The following MYT1L variants were observed in gnomAD, a reference collection of about 807,000 sequenced individuals.
MYT1L encodes the protein myelin transcription factor 1 like.
Under a neutral mutation model 126.7 loss-of-function variants are expected in MYT1L, and 12 were observed. The ratio of observed to expected loss-of-function variants is 0.09; its 90% confidence interval spans 0.06 to 0.15. The LOEUF (loss-of-function observed/expected upper bound fraction) is 0.15. Among genes scored for constraint, MYT1L ranks in the 10% least tolerant of loss-of-function variants. The pLI is 1.00. For synonymous variants in MYT1L, 541 were observed against 604.2 expected (o/e 0.90, Z 1.53); for missense variants, 979 against 1,585.2 (o/e 0.62, Z 6.49).
intron 21 of MYT1L, among the ~76,000 whole-genome samples, chr2:1,836,860 G>A (rs1209502045): frequency 6.6e-6 from 1 of 152,218 alleles, no homozygotes; most frequent in South Asian, 2.1e-4. Flanking sequence ...GTCAAGGCCA[G>A]AGCATGCATT....
intron 3 of MYT1L, among the ~76,000 whole-genome samples, chr2:2,126,932 A>G (rs1200899050): frequency 6.6e-6 from 1 of 152,212 alleles, no homozygotes; most frequent in East Asian, 1.9e-4. Flanking sequence ...AGATGTGTCC[A>G]TGTATTTTAG....
intron 1 of MYT1L, among the ~76,000 whole-genome samples, chr2:2,328,929 G>C (rs115330774): frequency 2.6e-5 from 4 of 152,222 alleles, no homozygotes; most frequent in South Asian, 2.1e-4. Context: ...GACCATGAAG[G>C]CTTCTCCTAC....
intron 18 of MYT1L, among the ~76,000 whole-genome samples, chr2:1,857,250 A>G (rs2044033030): frequency 6.6e-6 from 1 of 152,346 alleles, no homozygotes; most frequent in African/African-American, 2.4e-5. Flanking sequence ...ACTACCTGGA[A>G]GAGACGCACA....
chr2:2,293,436 G>A (rs2095628441), intron 1 of MYT1L, among the ~76,000 whole-genome samples: 3 of 152,176 alleles, frequency 2.0e-5, no homozygotes, highest in African/African-American at 4.8e-5. Flanking sequence ...AGGACAGAGC[G>A]CCCTTGGTTA....
intron 9 of MYT1L, among the ~76,000 whole-genome samples, chr2:1,938,997 A>AG (rs1167123679): frequency 1.3e-5 from 2 of 152,254 alleles, no homozygotes; most frequent in African/African-American, 2.4e-5. Flanking sequence ...AGTTTACTAT[A>AG]GAGGTGAAAA....
At chr2:2,220,850 T>TA (rs112426092) in intron 2 of MYT1L, among the ~76,000 whole-genome samples, 4 of 151,976 alleles carry the variant, frequency 2.6e-5, no homozygotes, top group Non-Finnish European at 4.4e-5. Context: ...GTGGGCAAGA[T>TA]AAAAAAATCA....
At chr2:1,931,474 C>T (rs1192720509) in intron 9 of MYT1L, among the ~76,000 whole-genome samples, 4 of 150,066 alleles carry the variant, frequency 2.7e-5, no homozygotes, top group East Asian at 2.0e-4. Context: ...CCACCCTCAG[C>T]GATGCCCACG....
At chr2:2,109,911 A>G (rs866060203) in intron 3 of MYT1L, among the ~76,000 whole-genome samples, 1 of 120,328 alleles carries the variant, frequency 8.3e-6, no homozygotes, top group South Asian at 2.7e-4. Flanking sequence ...ATATATATAT[A>G]TATATATATA....
chr2:2,164,203 TTTTG>T (rs1251834679), intron 3 of MYT1L, among the ~76,000 whole-genome samples: 2 of 152,172 alleles, frequency 1.3e-5, no homozygotes, highest in African/African-American at 4.8e-5. Flanking sequence ...GGCGTTTGTT[TTTTG>T]TTTTTCATTG....
intron 1 of MYT1L, among the ~76,000 whole-genome samples, chr2:2,291,432 G>A (rs2095598064): frequency 6.6e-6 from 1 of 152,204 alleles, no homozygotes; most frequent in Non-Finnish European, 1.5e-5. Flanking sequence ...TAATCTACAG[G>A]CATTTACTCC....
intron 8 of MYT1L, among the ~76,000 whole-genome samples, chr2:1,970,397 T>C (rs368093914): frequency 7.9e-5 from 12 of 152,104 alleles, no homozygotes; most frequent in Middle Eastern, 3.2e-3. Flanking sequence ...CTTAGATGGG[T>C]GTGGTGAGAG....
At chr2:2,215,863 C>T (rs372055883) in intron 2 of MYT1L, among the ~76,000 whole-genome samples, 17 of 152,200 alleles carry the variant, frequency 1.1e-4, no homozygotes, top group African/African-American at 4.1e-4. Flanking sequence ...GAATTGCATT[C>T]CCCAGTGTTG....
intron 4 of MYT1L, among the ~76,000 whole-genome samples, chr2:2,050,756 C>T (rs1034829614): frequency 6.6e-6 from 1 of 152,066 alleles, no homozygotes; most frequent in Non-Finnish European, 1.5e-5. Flanking sequence ...CAGAAGGTAG[C>T]GGGACTTGGG....
At chr2:1,902,947 A>G in intron 14 of MYT1L, 133 bp downstream of exon 14, 1 of 803,948 alleles carries the variant, frequency 1.2e-6, no homozygotes. Context: ...GGGCTGTGCT[A>G]TGAAAGTCCT....
At chr2:2,070,261 T>A (rs2074432066) in intron 3 of MYT1L, among the ~76,000 whole-genome samples, 1 of 152,210 alleles carries the variant, frequency 6.6e-6, no homozygotes, top group Non-Finnish European at 1.5e-5. Flanking sequence ...ATATTTCCTG[T>A]TAAGGTAATC....
At chr2:1,995,183 C>A (rs530256430) in intron 5 of MYT1L, among the ~76,000 whole-genome samples, 1 of 151,824 alleles carries the variant, frequency 6.6e-6, no homozygotes, top group Non-Finnish European at 1.5e-5. Flanking sequence ...ATCATCTGCA[C>A]GAACTATTCC....
At chr2:1,835,808 A>G (rs1477076031) in intron 21 of MYT1L, among the ~76,000 whole-genome samples, 8 of 152,158 alleles carry the variant, frequency 5.3e-5, no homozygotes, top group Non-Finnish European at 1.0e-4. Context: ...AAAACGGAGG[A>G]ATATCAACAT....
At chr2:2,257,906 T>A (rs1458316637) in intron 2 of MYT1L, among the ~76,000 whole-genome samples, 1 of 142,112 alleles carries the variant, frequency 7.0e-6, no homozygotes, top group Non-Finnish European at 1.5e-5. Context: ...AAAGTTCATA[T>A]GGAACCAAAA....
At chr2:2,011,396 C>T (rs1201262147) in intron 4 of MYT1L, among the ~76,000 whole-genome samples, 6 of 149,290 alleles carry the variant, frequency 4.0e-5, no homozygotes, top group Non-Finnish European at 8.9e-5. Context: ...GAGCAAGACT[C>T]CATCTCAGAA....
Sources: gnomAD v4.1 joint callset for allele counts (sites outside exome capture counted in the v4.1 genomes callset) on GRCh38, gnomAD v4.1.1 for gene constraint, MANE v1.5 for transcripts, NCBI Gene and HGNC (gene_info 2026-07-23, HGNC 2026-07-21) for gene names.